The following KIZ variants were observed in gnomAD, a reference collection of about 807,000 sequenced individuals.
The protein encoded by KIZ is kizuna centrosomal protein.
Under a neutral mutation model 79.6 loss-of-function variants are expected in KIZ, and 68 were observed. The observed-to-expected ratio is 0.85, with a 90% CI of 0.70 to 1.05. The LOEUF (loss-of-function observed/expected upper bound fraction) is 1.05. Among genes scored for constraint, KIZ ranks in the 50% least tolerant of loss-of-function variants. The pLI, the probability that KIZ is intolerant of heterozygous loss-of-function variation, is 0.00. For synonymous variants in KIZ, 280 were observed against 281.8 expected, an observed-to-expected ratio of 0.99 and a Z score of 0.06; for missense variants, 797 against 800.4, an observed-to-expected ratio of 1.00 and a Z score of 0.05.
chr20:21,196,564 T>A (rs1473778061), intron 6 of KIZ: 1 of 152,208 alleles, frequency 6.6e-6, no homozygotes, highest in African/African-American at 2.4e-5. Flanking sequence ...CAGGAAGAAT[T>A]AGGATCCAGA....
chr20:21,145,514 G>A (rs988264953), intron 3 of KIZ, 51 bp from the exon 4 acceptor site: 3 of 848,326 alleles, frequency 3.5e-6, no homozygotes, highest in Admixed American at 2.4e-5. Flanking sequence ...ATACAGACAG[G>A]TGCTAGTTGT....
intron 6 of KIZ, chr20:21,198,750 T>C (rs2035464205): frequency 6.6e-6 from 1 of 152,638 alleles, no homozygotes; most frequent in Non-Finnish European, 1.5e-5. Context: ...GTACTAGTAA[T>C]CTTGAAGCTA....
At chr20:21,159,982 A>G (rs1406865591) in intron 4 of KIZ, among the ~76,000 whole-genome samples, 1 of 152,176 alleles carries the variant, frequency 6.6e-6, no homozygotes, top group African/African-American at 2.4e-5. Flanking sequence ...GCAGTGTATG[A>G]TTCTAATTTC....
In KIZ at chr20:21,162,395, AGTT is replaced by A. The variant is rs1462900742; in HGVS notation, c.932_934del (p.Val311del). 22 of 1,613,464 alleles carry A rather than the reference AGTT, an allele frequency of 1.4e-5. No homozygotes were observed. The highest frequency in any genetic ancestry group is 1.9e-5 in the Non-Finnish European group (22 of 1,179,706). On this transcript the variant is annotated inframe_deletion, in exon 5 of 13. Coordinates refer to ENST00000619189, the MANE Select transcript of KIZ (RefSeq NM_018474.6). ...AAATACTGACACGGGAACATATTGAAGTTGAGGAAAAAAGAGCCAGCCCGCCAG... is the reference window on the plus strand; with the variant it reads ...AAATACTGACACGGGAACATATTGAAGAGGAAAAAAGAGCCAGCCCGCCAG...
At chr20:21,154,503 C>A (rs999540981) in intron 4 of KIZ, among the ~76,000 whole-genome samples, 1 of 152,170 alleles carries the variant, frequency 6.6e-6, no homozygotes, top group African/African-American at 2.4e-5. Context: ...TTCAAGACTG[C>A]AGATGAATAA....
intron 2 of KIZ, among the ~76,000 whole-genome samples, 197 bp from the exon 3 acceptor site, chr20:21,136,193 A>G (rs73131618): frequency 6.6e-6 from 1 of 152,084 alleles, no homozygotes; most frequent in African/African-American, 2.4e-5. Flanking sequence ...GAGGAAACCG[A>G]TATGATACCT....
intron 6 of KIZ, among the ~76,000 whole-genome samples, chr20:21,174,297 A>G (rs1193204418): frequency 6.6e-6 from 1 of 152,168 alleles, no homozygotes; most frequent in Non-Finnish European, 1.5e-5. Context: ...ATCATTTTAC[A>G]GATGAGAAAA....
intron 6 of KIZ, among the ~76,000 whole-genome samples, chr20:21,170,677 C>G (rs1398146496): frequency 6.6e-6 from 1 of 152,140 alleles, no homozygotes; most frequent in African/African-American, 2.4e-5. Context: ...CGTGAGCCAC[C>G]ACGCCCGGCC....
At chr20:21,226,231 C>T (rs979970851) in intron 9 of KIZ, 1 of 152,296 alleles carries the variant, frequency 6.6e-6, no homozygotes, top group Non-Finnish European at 1.5e-5. Context: ...AGTCATGTGC[C>T]TCCTTGCCTG....
At chr20:21,190,535 G>A (rs962615000) in intron 6 of KIZ, among the ~76,000 whole-genome samples, 12 of 152,174 alleles carry the variant, frequency 7.9e-5, no homozygotes, top group African/African-American at 2.9e-4. Flanking sequence ...AAATTGCCTC[G>A]GGATAACCGG....
chr20:21,184,228 A>G (rs909246881), intron 6 of KIZ, among the ~76,000 whole-genome samples: 1 of 150,776 alleles, frequency 6.6e-6, no homozygotes, highest in African/African-American at 2.4e-5. Context: ...GATCACTGCA[A>G]CCTCTGCCTC....
intron 3 of KIZ, chr20:21,144,075 G>A (rs8113922): frequency 6.6e-6 from 1 of 151,940 alleles, no homozygotes; most frequent in Non-Finnish European, 1.5e-5. Flanking sequence ...GGCTTTTAAA[G>A]ATACTTCTTT....
intron 11 of KIZ, among the ~76,000 whole-genome samples, chr20:21,242,213 AGTGG>A (rs2037241688): frequency 6.6e-6 from 1 of 152,224 alleles, no homozygotes. Context: ...ACGAGGACTC[AGTGG>A]TAAAGATAGG....
At chr20:21,191,920 G>A (rs143923107) in intron 6 of KIZ, among the ~76,000 whole-genome samples, 83 of 152,006 alleles carry the variant, frequency 5.5e-4, no homozygotes, top group Non-Finnish European at 1.1e-3. Flanking sequence ...AGGCAGTAAA[G>A]CAGCCCGGAG....
chr20:21,201,732 A>G (rs1383014476), intron 6 of KIZ, among the ~76,000 whole-genome samples: 1 of 152,182 alleles, frequency 6.6e-6, no homozygotes, highest in Non-Finnish European at 1.5e-5. Flanking sequence ...TTGTTTTTTT[A>G]TGTGTCATCA....
At chr20:21,193,776 G>C (rs1175826709) in intron 6 of KIZ, among the ~76,000 whole-genome samples, 1 of 146,510 alleles carries the variant, frequency 6.8e-6, no homozygotes, top group South Asian at 2.2e-4. Context: ...AACACCGCAT[G>C]TTCTCACTCA....
intron 1 of KIZ, 157 bp from the exon 2 acceptor site, chr20:21,131,940 A>ATTCTC (rs2031873616): frequency 1.9e-6 from 1 of 534,256 alleles, no homozygotes; most frequent in East Asian, 3.4e-5. Flanking sequence ...CTTAGACCAG[A>ATTCTC]GAAGCATTTT....
At chr20:21,170,023 A>G (rs2034132442) in intron 6 of KIZ, among the ~76,000 whole-genome samples, 1 of 152,202 alleles carries the variant, frequency 6.6e-6, no homozygotes, top group Non-Finnish European at 1.5e-5. Flanking sequence ...TAAAGCTGCC[A>G]TAAATATCTC....
intron 6 of KIZ, among the ~76,000 whole-genome samples, chr20:21,169,156 A>G (rs1008642507): frequency 1.2e-4 from 19 of 152,320 alleles, no homozygotes; most frequent in African/African-American, 4.3e-4. Flanking sequence ...AACCTACAGC[A>G]TGGGAGAAAA....
Sources: allele counts gnomAD v4.1 joint callset (sites outside exome capture counted in the v4.1 genomes callset), GRCh38; gene constraint gnomAD v4.1.1; transcripts MANE v1.5; gene names NCBI Gene and HGNC (gene_info 2026-07-23, HGNC 2026-07-21).